The following EYA4 variants were observed in gnomAD, a reference collection of about 807,000 sequenced individuals.
EYA4 encodes the protein protein phosphatase EYA4.
EYA4 carries 31 observed loss-of-function variants against 87.9 expected under a neutral mutation model. That is an observed-to-expected ratio of 0.35 (90% CI 0.27 to 0.48). EYA4 has a LOEUF of 0.48. EYA4 is among the 20% of genes least tolerant of loss of function. EYA4 has a pLI of 0.99. For synonymous variants in EYA4, 263 were observed against 270.6 expected, an observed-to-expected ratio of 0.97 and a Z score of 0.28; for missense variants, 678 against 761.4, an observed-to-expected ratio of 0.89 and a Z score of 1.29.
At chr6:133,481,715 T>G (rs1339528014) in intron 12 of EYA4, 116 bp downstream of exon 12, 1 of 1,182,128 alleles carries the variant, frequency 8.5e-7, no homozygotes. Context: ...ATATCATGAA[T>G]TGAATGGAAC....
intron 10 of EYA4, among the ~76,000 whole-genome samples, chr6:133,465,636 G>A (rs974583078): frequency 6.6e-6 from 1 of 152,118 alleles, no homozygotes; most frequent in Non-Finnish European, 1.5e-5. Flanking sequence ...TTTCAGCCAT[G>A]TTCGAAGTAG....
intron 12 of EYA4, 45 bp downstream of exon 12, chr6:133,481,644 T>C (rs1424211020): frequency 6.3e-7 from 1 of 1,579,998 alleles, no homozygotes; most frequent in Admixed American, 1.7e-5. Context: ...TGCTTTATTT[T>C]ACCGAATGAT....
chr6:133,282,191 A>C (rs1777681732), intron 2 of EYA4, among the ~76,000 whole-genome samples: 1 of 152,158 alleles, frequency 6.6e-6, no homozygotes, highest in Non-Finnish European at 1.5e-5. Flanking sequence ...GGCTGAACTA[A>C]TTTACATTCC....
At chr6:133,510,942 C>G (rs570341600) in intron 14 of EYA4, among the ~76,000 whole-genome samples, 1 of 152,172 alleles carries the variant, frequency 6.6e-6, no homozygotes, top group South Asian at 2.1e-4. Flanking sequence ...GGGGATGTAA[C>G]CTGGTGAACC....
intron 17 of EYA4, among the ~76,000 whole-genome samples, chr6:133,522,360 A>C (rs1214995973): frequency 6.6e-6 from 1 of 151,526 alleles, no homozygotes; most frequent in Non-Finnish European, 1.5e-5. Flanking sequence ...GTATAAAACT[A>C]CTCTACCGTG....
intron 3 of EYA4, among the ~76,000 whole-genome samples, chr6:133,410,341 T>A (rs997309103): frequency 6.6e-6 from 1 of 152,094 alleles, no homozygotes; most frequent in African/African-American, 2.4e-5. Context: ...TAAATATAGA[T>A]TACTTGCTGC....
intron 10 of EYA4, among the ~76,000 whole-genome samples, chr6:133,466,083 C>G (rs1326078452): frequency 6.6e-6 from 1 of 151,984 alleles, no homozygotes; most frequent in Non-Finnish European, 1.5e-5. Context: ...AAACGAGTAA[C>G]TCATTGTTCC....
At chr6:133,372,574 A>AT (rs145004786) in intron 2 of EYA4, among the ~76,000 whole-genome samples, 4,435 of 150,270 alleles carry the variant, frequency 0.03, 203 homozygotes, top group African/African-American at 0.096. Flanking sequence ...CTATAAATAC[A>AT]TTTTTTTTTA....
chr6:133,344,897 A>T (rs150611280), intron 2 of EYA4, among the ~76,000 whole-genome samples: 10 of 152,262 alleles, frequency 6.6e-5, no homozygotes, highest in Admixed American at 2.6e-4. Context: ...TATCATCAGA[A>T]CTGAGAAACT....
At chr6:133,522,489 A>T (rs576547082) in intron 17 of EYA4, among the ~76,000 whole-genome samples, 1 of 152,154 alleles carries the variant, frequency 6.6e-6, no homozygotes, top group African/African-American at 2.4e-5. Flanking sequence ...GAATGTTCCC[A>T]ATGGGAAAAC....
At chr6:133,368,191 A>G (rs1194464570) in intron 2 of EYA4, among the ~76,000 whole-genome samples, 2 of 152,198 alleles carry the variant, frequency 1.3e-5, no homozygotes, top group Non-Finnish European at 2.9e-5. Flanking sequence ...AATTATAGTT[A>G]TTTGTACTCT....
At chr6:133,375,211 A>C (rs1785583390) in intron 2 of EYA4, among the ~76,000 whole-genome samples, 1 of 151,990 alleles carries the variant, frequency 6.6e-6, no homozygotes, top group Admixed American at 6.6e-5. Flanking sequence ...TCCTATGAAG[A>C]TCTTCACAAC....
intron 14 of EYA4, among the ~76,000 whole-genome samples, chr6:133,511,978 A>AT (rs1396813517): frequency 1.5e-5 from 2 of 136,976 alleles, no homozygotes; most frequent in Non-Finnish European, 3.1e-5. Flanking sequence ...GAGATTCCAT[A>AT]TAAAAAAAAA....
intron 2 of EYA4, among the ~76,000 whole-genome samples, chr6:133,301,131 C>T (rs1779370448): frequency 2.1e-5 from 3 of 144,356 alleles, no homozygotes; most frequent in South Asian, 2.2e-4. Context: ...TTTGTATTTA[C>T]GTTCTGTATG....
intron 2 of EYA4, among the ~76,000 whole-genome samples, chr6:133,339,221 T>A (rs530016843): frequency 6.6e-6 from 1 of 152,136 alleles, no homozygotes; most frequent in South Asian, 2.1e-4. Context: ...GGTAATAAAG[T>A]GCATCAAGAT....
At chr6:133,340,645 AAAG>A (rs1222491460) in intron 2 of EYA4, among the ~76,000 whole-genome samples, 3 of 152,306 alleles carry the variant, frequency 2.0e-5, no homozygotes, top group African/African-American at 7.2e-5. Context: ...TGAGAACAGA[AAAG>A]AAGCCAAGAG....
At chr6:133,274,602 A>G (rs1777011166) in intron 1 of EYA4, 114 bp from the exon 2 acceptor site, 1 of 614,420 alleles carries the variant, frequency 1.6e-6, no homozygotes, top group Non-Finnish European at 2.9e-6. Context: ...TCTTCTTGAG[A>G]GAATGCTCCT....
chr6:133,455,379 T>G (rs1793812446), intron 5 of EYA4, among the ~76,000 whole-genome samples: 1 of 146,376 alleles, frequency 6.8e-6, no homozygotes. Flanking sequence ...TTCCAACATT[T>G]ACATTTCTCC....
chr6:133,328,086 A>G (rs1185179620), intron 2 of EYA4, among the ~76,000 whole-genome samples: 1 of 152,196 alleles, frequency 6.6e-6, no homozygotes, highest in Non-Finnish European at 1.5e-5. Flanking sequence ...CAGTACCAAG[A>G]AGTCAGACTA....
Sources: gnomAD v4.1 joint callset for allele counts (sites outside exome capture counted in the v4.1 genomes callset) on GRCh38, gnomAD v4.1.1 for gene constraint, MANE v1.5 for transcripts, NCBI Gene and HGNC (gene_info 2026-07-23, HGNC 2026-07-21) for gene names.